RASEF: variants seen among roughly 807,000 people sequenced by gnomAD.
RASEF encodes ras and EF-hand domain-containing protein.
A neutral mutation model predicts 90.1 loss-of-function variants in RASEF; 68 were observed. That is an observed-to-expected ratio of 0.75 (90% CI 0.62 to 0.92). The LOEUF is 0.92. Among genes scored for constraint, RASEF ranks in the 40% least tolerant of loss-of-function variants. The pLI is 0.00. For missense variants in RASEF, 949 were observed against 937.2 expected, an observed-to-expected ratio of 1.01 and a Z score of -0.16; for synonymous variants, 331 against 345.2, an observed-to-expected ratio of 0.96 and a Z score of 0.46.
rs1365891762 is a variant in RASEF at position 83,009,690 on chromosome 9, ACT to A, written c.908_909del (p.Glu303ValfsTer7). ...AQTNIAFLQS[E>X]LDALKSDYAD... ...GCATAATCACTTTTCAAAGCATCTA[ACT>A]CACTCTGAAGAAAGGCTATGTTTGT... On this transcript the variant is annotated frameshift_variant, in exon 6 of 17. Transcript: ENST00000376447. LOFTEE classifies it high-confidence loss of function. 6.2e-7 allele frequency: 1 copy of A among 1,613,400 alleles called. No individual in the cohort carries two copies.
chr9:83,142,150 T>C, the RASEF span, among the ~76,000 whole-genome samples: 1 of 152,170 alleles, frequency 6.6e-6, no homozygotes, highest in South Asian at 2.1e-4. Context: ...TTATAAGTGA[T>C]ATGATCTTAT....
the RASEF span, among the ~76,000 whole-genome samples, chr9:83,131,629 A>C: frequency 6.6e-6 from 1 of 152,322 alleles, no homozygotes; most frequent in African/African-American, 2.4e-5. Context: ...GCAGTGGATC[A>C]CTTCTAAATC....
chr9:83,092,005 T>TTTTTTTTTTTTTTTTTTTTTTTTTTTTTG, the RASEF span, among the ~76,000 whole-genome samples: 1 of 111,640 alleles, frequency 9.0e-6, no homozygotes, highest in East Asian at 2.5e-4. Context: ...TTTTATTTCT[T>TTTTTTTTTTTTTTTTTTTTTTTTTTTTTG]TTTTTTTTTT....
At chr9:83,147,059 T>A in the RASEF span, among the ~76,000 whole-genome samples, 81 of 147,858 alleles carry the variant, frequency 5.5e-4, no homozygotes, top group African/African-American at 1.7e-3. Context: ...TATATATATA[T>A]AAATATGTAC....
chr9:83,122,587 T>C, the RASEF span, among the ~76,000 whole-genome samples: 1 of 152,152 alleles, frequency 6.6e-6, no homozygotes, highest in Non-Finnish European at 1.5e-5. Flanking sequence ...CAAGAGCCAT[T>C]ATGGTGCTAT....
At chr9:83,092,006 T>TTA in the RASEF span, among the ~76,000 whole-genome samples, 2 of 114,838 alleles carry the variant, frequency 1.7e-5, no homozygotes, top group Non-Finnish European at 3.4e-5. Flanking sequence ...TTTATTTCTT[T>TTA]TTTTTTTTTT....
the RASEF span, among the ~76,000 whole-genome samples, chr9:83,204,495 C>T: frequency 0.019 from 2,819 of 152,270 alleles, 35 homozygotes; most frequent in South Asian, 0.042. Flanking sequence ...CTAAACTCAT[C>T]ACTGGAGGGG....
At chr9:83,104,535 T>C in the RASEF span, among the ~76,000 whole-genome samples, 1 of 152,184 alleles carries the variant, frequency 6.6e-6, no homozygotes, top group Admixed American at 6.5e-5. Flanking sequence ...AACCAATGTG[T>C]CTGCCACAGA....
the RASEF span, among the ~76,000 whole-genome samples, chr9:83,071,216 G>T: frequency 5.9e-5 from 9 of 152,178 alleles, no homozygotes; most frequent in Non-Finnish European, 1.2e-4. Context: ...AGGGGATGGG[G>T]AGGAATCATT....
upstream of RASEF, chr9:83,063,237 T>G: frequency 1.1e-4 from 25 of 218,700 alleles, no homozygotes; most frequent in Non-Finnish European, 1.6e-4. Context: ...GCTTCTCCAG[T>G]TCCCACGCCC....
chr9:83,047,040 G>A (rs1829946494), intron 1 of RASEF, among the ~76,000 whole-genome samples: 1 of 152,126 alleles, frequency 6.6e-6, no homozygotes, highest in African/African-American at 2.4e-5. Flanking sequence ...ATCACAGAGG[G>A]CATCAAGGCT....
At chr9:83,001,710 C>A (rs928805377) in intron 9 of RASEF, among the ~76,000 whole-genome samples, 1 of 152,176 alleles carries the variant, frequency 6.6e-6, no homozygotes, top group East Asian at 1.9e-4. Flanking sequence ...TCTCAGGTTG[C>A]ACAAGACAAA....
At chr9:83,119,729 G>T in the RASEF span, among the ~76,000 whole-genome samples, 1 of 152,178 alleles carries the variant, frequency 6.6e-6, no homozygotes, top group Non-Finnish European at 1.5e-5. Context: ...TGCTATGGGA[G>T]GGACCCAGTG....
chr9:83,024,195 A>AGGCT (rs1373879115), intron 2 of RASEF, among the ~76,000 whole-genome samples: 7 of 152,212 alleles, frequency 4.6e-5, no homozygotes, highest in Non-Finnish European at 8.8e-5. Context: ...CTCAGCATAG[A>AGGCT]GGCTGGCTCT....
Position 83,036,295 on chromosome 9 carries a change from C to T in RASEF, c.432-10374G>A, listed in dbSNP as rs141186084. On this transcript the variant is annotated intron_variant, in intron 1 of 16. Coordinates refer to ENST00000376447, the MANE Select transcript of RASEF (RefSeq NM_152573.4). ...GGAGAAAGATTGGAAGCAGCTGCCT[C>T]GGCCAACCACCTGGAAAGTCAGCCA... 1.6e-4 allele frequency among the ~76,000 whole-genome samples: 25 copies of T among 152,350 alleles called. No homozygotes were observed. The East Asian group carries it at 4.6e-3, about 28-fold the overall frequency.
chr9:83,094,719 T>G, the RASEF span, among the ~76,000 whole-genome samples: 1,043 of 152,308 alleles, frequency 6.8e-3, 15 homozygotes, highest in African/African-American at 0.024. Flanking sequence ...TGAGGGTATT[T>G]AAAAAGAAGA....
the RASEF span, among the ~76,000 whole-genome samples, chr9:83,188,954 T>C: frequency 6.6e-6 from 1 of 152,140 alleles, no homozygotes; most frequent in Admixed American, 6.5e-5. Flanking sequence ...TGGCTCCCTG[T>C]TTGACTATGT....
chr9:83,133,627 C>A, the RASEF span, among the ~76,000 whole-genome samples: 1 of 152,126 alleles, frequency 6.6e-6, no homozygotes, highest in East Asian at 1.9e-4. Context: ...GGGATGAAGA[C>A]AATGAGGCAC....
At chr9:83,113,959 TG>T in the RASEF span, among the ~76,000 whole-genome samples, 1 of 152,130 alleles carries the variant, frequency 6.6e-6, no homozygotes, top group Non-Finnish European at 1.5e-5. Flanking sequence ...AATAAAAACT[TG>T]CTGGTTTTGT....
Sources: allele counts gnomAD v4.1 joint callset (sites outside exome capture counted in the v4.1 genomes callset), GRCh38; gene constraint gnomAD v4.1.1; transcripts MANE v1.5; gene names NCBI Gene and HGNC (gene_info 2026-07-23, HGNC 2026-07-21).